PIAS2: variants seen among roughly 807,000 people sequenced by gnomAD.
PIAS2 encodes protein inhibitor of activated STAT 2.
In PIAS2, 19 loss-of-function variants were observed where a neutral mutation model predicts 69.7. The ratio of observed to expected loss-of-function variants is 0.27; its 90% CI spans 0.19 to 0.40. The LOEUF is 0.40. PIAS2 is among the 10% of genes least tolerant of loss of function. The probability of loss-of-function intolerance (pLI) is 1.00; values close to 1 mark genes in which losing one functional copy is unlikely to be tolerated. For synonymous variants in PIAS2, 261 were observed against 263.2 expected (o/e 0.99, Z 0.08); for missense variants, 624 against 757.0 (o/e 0.82, Z 2.06).
chr18:46,891,996 T>C (rs564198066), intron 1 of PIAS2, among the ~76,000 whole-genome samples: 298 of 152,268 alleles, frequency 2.0e-3, no homozygotes, highest in African/African-American at 7.0e-3. Flanking sequence ...GAAGAACACC[T>C]GGAGCTGACC....
At chr18:46,823,079 A>T (rs2042360044) in intron 11 of PIAS2, among the ~76,000 whole-genome samples, 1 of 151,066 alleles carries the variant, frequency 6.6e-6, no homozygotes. Context: ...TCTACAAAAA[A>T]AAAAAAAAAG....
intron 12 of PIAS2, chr18:46,818,032 C>G (rs1446790559): frequency 3.0e-5 from 30 of 990,342 alleles, no homozygotes; most frequent in Non-Finnish European, 3.6e-5. Context: ...TGAAAATGCT[C>G]AATTACTTTT....
chr18:46,869,808 A>G lies in PIAS2; in HGVS notation c.500-5560T>C, dbSNP rs750135621. ...AGTCAAATGAGGATTGAATTTGTCA[A>G]CTTCTAATAGAGTATGTCAATGACA... On this transcript the variant is annotated intron_variant, in intron 2 of 13. Transcript: ENST00000585916. Among the ~76,000 whole-genome samples, 16 of 152,180 alleles carry G rather than the reference A, an allele frequency of 1.1e-4. 2 individuals are homozygous for G. Among genetic ancestry groups the G allele is most frequent in the South Asian group, 8.3e-4 (4 of 4,824 alleles).
In PIAS2 at chr18:46,807,538, C is replaced by A. The variant is rs952481728; in HGVS notation, c.*4895G>T. 1.3e-5 allele frequency: 2 copies of A among 150,346 alleles called. No individual in the cohort carries two copies. The highest frequency in any genetic ancestry group is 2.5e-5 in the African/African-American group (1 of 40,678). 9.3% of individuals were successfully genotyped at this position (150,346 alleles called of 1,614,324 possible). A position where few individuals can be genotyped will look rare whatever the true frequency, so the allele number is the denominator to read the frequency against. ...TCCCAAGTAGCTGGGACTACAGGCG[C>A]CTGCCATCACACCCACCTAATTTAT... On this transcript the variant is annotated 3_prime_UTR_variant, in exon 14 of 14. Transcript: ENST00000585916.
intron 5 of PIAS2, among the ~76,000 whole-genome samples, chr18:46,848,409 T>C (rs1054406420): frequency 2.0e-5 from 3 of 152,186 alleles, no homozygotes; most frequent in African/African-American, 7.2e-5. Context: ...AACATCAAAG[T>C]TGCACAGGTG....
chr18:46,917,150 C>A, intron 1 of PIAS2, 172 bp downstream of exon 1: 1 of 1,056,092 alleles, frequency 9.5e-7, no homozygotes. Flanking sequence ...TGCCCTCCGC[C>A]GGCCCGCTCC....
At chr18:46,886,754 T>A (rs1427459972) in intron 2 of PIAS2, among the ~76,000 whole-genome samples, 3 of 152,166 alleles carry the variant, frequency 2.0e-5, no homozygotes, top group African/African-American at 7.2e-5. Flanking sequence ...GGAGAACTGC[T>A]TGAACCCGGG....
chr18:46,846,978 G>A (rs2046250274), intron 5 of PIAS2, 137 bp from the exon 6 acceptor site: 1 of 659,678 alleles, frequency 1.5e-6, no homozygotes, highest in Non-Finnish European at 2.2e-6. Flanking sequence ...TAGCCCTTAT[G>A]ATCATTATCA....
intron 2 of PIAS2, among the ~76,000 whole-genome samples, chr18:46,874,949 C>G (rs1288469108): frequency 2.6e-5 from 4 of 152,178 alleles, no homozygotes; most frequent in African/African-American, 9.6e-5. Context: ...AGGGGATGGA[C>G]AGACCACACG....
At position 46,808,321 on chromosome 18, in the gene PIAS2, A is replaced by C. The variant is rs1275531606; in HGVS notation, c.*4112T>G. The C allele has an allele frequency of 6.6e-6, 1 of 152,236 alleles. No individual in the cohort carries two copies. The highest frequency in any genetic ancestry group is 6.5e-5 in the Admixed American group (1 of 15,286). The allele number at this position is 152,236 out of a possible 1,614,324, so 9.4% of individuals were successfully genotyped here. A position where few individuals can be genotyped will look rare whatever the true frequency, so the allele number is the denominator to read the frequency against. On this transcript the variant is annotated 3_prime_UTR_variant, in exon 14 of 14. Coordinates refer to ENST00000585916, the MANE Select transcript of PIAS2 (RefSeq NM_004671.5). The stretch of plus-strand genomic sequence containing the variant: ...TTGTTATACTTTTCTGTATTGTCTA[A>C]ATTTTCCACAATAAGCATGTACTAC...
chr18:46,885,756 G>A, intron 2 of PIAS2, among the ~76,000 whole-genome samples: 1 of 151,938 alleles, frequency 6.6e-6, no homozygotes, highest in Non-Finnish European at 1.5e-5. Flanking sequence ...AAGTGTATAA[G>A]CCATGAGGAT....
chr18:46,897,629 T>C (rs2055106716), intron 1 of PIAS2, among the ~76,000 whole-genome samples: 1 of 152,176 alleles, frequency 6.6e-6, no homozygotes, highest in Admixed American at 6.5e-5. Flanking sequence ...AAAAGCCATA[T>C]GATTAATGGC....
At chr18:46,857,989 A>G (rs2145492870) in intron 3 of PIAS2, among the ~76,000 whole-genome samples, 1 of 152,348 alleles carries the variant, frequency 6.6e-6, no homozygotes, top group East Asian at 1.9e-4. Flanking sequence ...AAATAAGTAC[A>G]TGGCACAGTG....
intron 8 of PIAS2, among the ~76,000 whole-genome samples, chr18:46,842,666 T>C (rs941868810): frequency 6.6e-6 from 1 of 152,186 alleles, no homozygotes; most frequent in African/African-American, 2.4e-5. Flanking sequence ...GATTTTAACA[T>C]GAGAGCGAAG....
chr18:46,832,216 A>C (rs929393714), intron 9 of PIAS2, among the ~76,000 whole-genome samples: 5 of 152,050 alleles, frequency 3.3e-5, no homozygotes, highest in Admixed American at 6.6e-5. Flanking sequence ...GGAGTTCGAG[A>C]CCAGCCTGAC....
chr18:46,853,292 T>TA (rs35085118), intron 5 of PIAS2: 99 of 110,048 alleles, frequency 9.0e-4, no homozygotes, highest in South Asian at 1.2e-3. Context: ...TTTTTTTAAA[T>TA]AAAAAAAAAA....
At chr18:46,917,629 C>A (rs4890706), upstream of PIAS2, 401,517 of 893,754 alleles carry the variant, frequency 0.45, 91,768 homozygotes, top group Middle Eastern at 0.5. Flanking sequence ...CGCCCGCCCG[C>A]GCCTGCCCCG....
chr18:46,900,923 G>A lies in PIAS2; in HGVS notation c.25-9869C>T, dbSNP rs138413801. 1.9e-4 allele frequency: 52 copies of A among 273,478 alleles called. 1 individual carries two copies. In the East Asian group the frequency reaches 4.9e-3, roughly 26 times the overall value. The allele number at this position is 273,478 out of a possible 1,614,324, so 16.9% of individuals were successfully genotyped here. The stretch of plus-strand genomic sequence containing the variant: ...CTAGAGGCGGAGGTTGCGGTGAGCC[G>A]ACGTCGTGCCATTGTACTCCAGCCT... On this transcript the variant is annotated intron_variant, in intron 1 of 13. Coordinates refer to ENST00000585916, the MANE Select transcript of PIAS2 (RefSeq NM_004671.5).
chr18:46,859,613 A>G (rs898141291), intron 3 of PIAS2, among the ~76,000 whole-genome samples: 3 of 152,126 alleles, frequency 2.0e-5, no homozygotes, highest in Non-Finnish European at 2.9e-5. Flanking sequence ...CTGTTTTTCA[A>G]CTTCGCATCT....
Sources: allele counts gnomAD v4.1 joint callset (sites outside exome capture counted in the v4.1 genomes callset), GRCh38; gene constraint gnomAD v4.1.1; transcripts MANE v1.5; gene names NCBI Gene and HGNC (gene_info 2026-07-23, HGNC 2026-07-21).